GSDME: variants seen among roughly 807,000 people sequenced by gnomAD.
The protein encoded by GSDME is gasdermin E.
A neutral mutation model predicts 47.5 loss-of-function variants in GSDME; 44 were observed. The ratio of observed to expected loss-of-function variants is 0.93; its 90% confidence interval spans 0.73 to 1.19. The LOEUF (loss-of-function observed/expected upper bound fraction) is 1.19, where lower values mean the gene tolerates loss of function less well. GSDME is among the 50% of genes most tolerant of loss of function. GSDME has a pLI of 0.00. For synonymous variants in GSDME, 258 were observed against 252.8 expected, an observed-to-expected ratio of 1.02 and a Z score of -0.20; for missense variants, 663 against 604.2, an observed-to-expected ratio of 1.10 and a Z score of -1.02.
the GSDME span, among the ~76,000 whole-genome samples, chr7:24,785,050 T>C: frequency 2.0e-5 from 3 of 152,364 alleles, no homozygotes; most frequent in East Asian, 1.9e-4. Flanking sequence ...CAGGCACCTA[T>C]AGACAGTGCT....
At chr7:24,782,175 T>A in the GSDME span, among the ~76,000 whole-genome samples, 1 of 152,050 alleles carries the variant, frequency 6.6e-6, no homozygotes, top group Non-Finnish European at 1.5e-5. Flanking sequence ...CATTAACTCG[T>A]CATTTACGTT....
At chr7:24,702,483 A>T (rs758951150) in intron 9 of GSDME, 8 of 380,348 alleles carry the variant, frequency 2.1e-5, no homozygotes, top group Non-Finnish European at 3.6e-5. Flanking sequence ...AATTCTCTCC[A>T]AACAATGGGA....
intron 8 of GSDME, chr7:24,703,668 G>A (rs1224950783): frequency 6.5e-6 from 1 of 153,082 alleles, no homozygotes; most frequent in Non-Finnish European, 1.5e-5. Context: ...TAAAGACAGT[G>A]TGTTGTTGAG....
At position 24,719,094 on chromosome 7, in the gene GSDME, C is replaced by A. The variant is rs762267830; in HGVS notation, c.529G>T (p.Glu177Ter). The A allele has an allele frequency of 1.9e-6, 3 of 1,613,632 alleles. No homozygotes were observed. The highest frequency in any genetic ancestry group is 1.7e-5 in the Admixed American group (1 of 60,028). The change falls in exon 4 of 10, where the codon GAG becomes TAG. Residue 177 changes from glutamate (E) to a stop codon, truncating the protein, a stop_gained. Transcript: ENST00000645220. LOFTEE classifies it high-confidence loss of function. ...CCCACGATGCCACCACACTTCTCCT[C>A]GACCTGCATGTGCTCAGAGATCACA... ...KCVISEHMQVEEKCGGIVGIQ... is the reference protein window; with the variant it reads ...KCVISEHMQV
At chr7:24,784,101 G>T in the GSDME span, among the ~76,000 whole-genome samples, 3 of 152,278 alleles carry the variant, frequency 2.0e-5, no homozygotes, top group East Asian at 5.8e-4. Context: ...GATTCTATGA[G>T]CCTAAGATCC....
the GSDME span, among the ~76,000 whole-genome samples, chr7:24,794,108 T>C: frequency 1.3e-5 from 2 of 152,234 alleles, no homozygotes; most frequent in Admixed American, 1.3e-4. Flanking sequence ...AAAGGAATAG[T>C]GTACACTGTT....
rs1349260729 is a variant in GSDME at position 24,733,798 on chromosome 7, C to T, written c.404+10764G>A. 6.6e-6 allele frequency among the ~76,000 whole-genome samples: 1 copy of T among 152,172 alleles called. No homozygotes were observed. The highest frequency in any genetic ancestry group is 1.5e-5 in the Non-Finnish European group (1 of 68,026). Reference sequence around the variant, plus strand: ...ACATAGATTTCTAAGGTTTCCAACTCGAGGCCCTGACTCCTGGACAGCATC... The same window carrying T: ...ACATAGATTTCTAAGGTTTCCAACTTGAGGCCCTGACTCCTGGACAGCATC... On this transcript the variant is annotated intron_variant, in intron 3 of 9. Transcript: ENST00000645220. This position sits in a 1 kb window ranked among gnomAD's most constrained non-coding sequence, Gnocchi z 4.3.
At chr7:24,702,897 C>A in intron 8 of GSDME, 64 bp from the exon 9 acceptor site, 1 of 1,384,394 alleles carries the variant, frequency 7.2e-7, no homozygotes, top group Non-Finnish European at 1.0e-6. Flanking sequence ...AGAGCCAGCC[C>A]CTGGATGGCA....
rs557284884 is a variant in GSDME, at chr7:24,713,229, CA to C, written c.698-2842del. Among the ~76,000 whole-genome samples the C allele has an allele frequency of 2.6e-5, 4 of 152,298 alleles. No individual in the cohort carries two copies. In the South Asian group the frequency reaches 8.3e-4, roughly 32 times the overall value. On this transcript the variant is annotated intron_variant, in intron 5 of 9. Coordinates refer to ENST00000645220, the MANE Select transcript of GSDME (RefSeq NM_001127453.2). ...AGGAACTCAGCAAGGCCTGTCTCTTCACCTCTCTGTGTCCTGTGTCGGGAGA... is the reference window on the plus strand; with the variant it reads ...AGGAACTCAGCAAGGCCTGTCTCTTCCCTCTCTGTGTCCTGTGTCGGGAGA...
At chr7:24,710,126 C>G in intron 6 of GSDME, 98 bp downstream of exon 6, 2 of 1,305,550 alleles carry the variant, frequency 1.5e-6, no homozygotes, top group Admixed American at 3.4e-5. Flanking sequence ...TTCTGTGAGT[C>G]ACTGAGGGGT....
At chr7:24,747,504 TCAC>T (rs1790704557) in intron 2 of GSDME, among the ~76,000 whole-genome samples, 2 of 152,214 alleles carry the variant, frequency 1.3e-5, no homozygotes, top group African/African-American at 4.8e-5. Context: ...TTTTCATATA[TCAC>T]CACATTCAAA....
rs1481354511 is a variant in GSDME, at chr7:24,724,968, TC to T, written c.405-5751del. ...TCTTGTTCCTCTTTCTTGCTCCTGT[TC>T]TTGCCATGTGACATGTTTGCTCCTC... On this transcript the variant is annotated intron_variant, in intron 3 of 9. Coordinates refer to ENST00000645220, the MANE Select transcript of GSDME (RefSeq NM_001127453.2). This position sits in a 1 kb window ranked among gnomAD's most constrained non-coding sequence, Gnocchi z 4.8. Among the ~76,000 whole-genome samples, 1 of 152,212 alleles carries T rather than the reference TC, an allele frequency of 6.6e-6. No individual in the cohort carries two copies. Among genetic ancestry groups the T allele is most frequent in the Non-Finnish European group, 1.5e-5 (1 of 68,030 alleles).
the GSDME span, among the ~76,000 whole-genome samples, chr7:24,768,000 T>G: frequency 1.3e-5 from 2 of 152,176 alleles, no homozygotes; most frequent in African/African-American, 2.4e-5. This position sits in a 1 kb window ranked among gnomAD's most constrained non-coding sequence, Gnocchi z 5.3. Flanking sequence ...AATTATCAAG[T>G]GTCATCATTA....
the GSDME span, among the ~76,000 whole-genome samples, chr7:24,788,615 G>A: frequency 6.6e-6 from 1 of 152,176 alleles, no homozygotes; most frequent in Non-Finnish European, 1.5e-5. The surrounding 1 kb of genome is among the most constrained non-coding windows in gnomAD (Gnocchi z 4.6). Context: ...GTCCTGATGT[G>A]CTAATCACTG....
intron 9 of GSDME, chr7:24,702,395 G>C (rs1341821845): frequency 5.6e-6 from 2 of 356,192 alleles, no homozygotes; most frequent in Non-Finnish European, 5.5e-6. Context: ...AATCAAACCA[G>C]TCTTAGCACA....
At chr7:24,752,384 G>A (rs1226835147) in intron 1 of GSDME, among the ~76,000 whole-genome samples, 1 of 152,222 alleles carries the variant, frequency 6.6e-6, no homozygotes, top group Non-Finnish European at 1.5e-5. Flanking sequence ...TGCCACTGGA[G>A]GATCTGTGAT....
Position 24,757,459 on chromosome 7 carries a change from T to TGCGCTGGGCCGGCGGGGGGCGG in GSDME, c.-84_-83insCCGCCCCCCGCCGGCCCAGCGC, listed in dbSNP as rs1278272442. On this transcript the variant is annotated 5_prime_UTR_variant, in exon 1 of 10. Coordinates refer to ENST00000645220, the MANE Select transcript of GSDME (RefSeq NM_001127453.2). The surrounding 1 kb of genome is among the most constrained non-coding windows in gnomAD (Gnocchi z 5.9). ...CTGCGCTGGCGGAGTCGGAGGAGCC[T>TGCGCTGGGCCGGCGGGGGGCGG]GCGCTGGGCCGGCGGGGGGCGGGCG... The TGCGCTGGGCCGGCGGGGGGCGG allele has an allele frequency of 1.3e-5, 2 of 151,610 alleles. No homozygotes were observed. The highest frequency in any genetic ancestry group is 2.9e-5 in the Non-Finnish European group (2 of 67,866). 9.4% of individuals were successfully genotyped at this position (151,610 alleles called of 1,614,324 possible). A position where few individuals can be genotyped will look rare whatever the true frequency, so the allele number is the denominator to read the frequency against.
intron 3 of GSDME, among the ~76,000 whole-genome samples, chr7:24,729,957 G>A (rs890346202): frequency 5.3e-5 from 8 of 152,192 alleles, no homozygotes; most frequent in African/African-American, 1.9e-4. Context: ...ACTGTCATGA[G>A]ACTGGGGGAA....
At chr7:24,775,011 G>C in the GSDME span, among the ~76,000 whole-genome samples, 1 of 152,180 alleles carries the variant, frequency 6.6e-6, no homozygotes, top group Non-Finnish European at 1.5e-5. Flanking sequence ...GTGGCCCTGG[G>C]ATTTTGCCAT....
Sources: gnomAD v4.1 joint callset for allele counts (sites outside exome capture counted in the v4.1 genomes callset) on GRCh38, gnomAD v4.1.1 for gene constraint, Gnocchi (gnomAD v3.1) non-coding constraint, MANE v1.5 for transcripts, NCBI Gene and HGNC (gene_info 2026-07-23, HGNC 2026-07-21) for gene names.